The following HCRTR2 variants were observed in gnomAD, a reference collection of about 807,000 sequenced individuals.
HCRTR2 encodes orexin receptor type 2.
A neutral mutation model predicts 49.0 loss-of-function variants in HCRTR2; 22 were observed. The observed-to-expected ratio is 0.45, with a 90% CI of 0.32 to 0.64. HCRTR2 has a LOEUF of 0.64. Ranked by LOEUF, HCRTR2 falls within the 30% of genes least tolerant of loss-of-function variation. The pLI, the probability that HCRTR2 is intolerant of heterozygous loss-of-function variation, is 0.04. For missense variants in HCRTR2, 491 were observed against 559.4 expected, an observed-to-expected ratio of 0.88 and a Z score of 1.23; for synonymous variants, 236 against 205.3, an observed-to-expected ratio of 1.15 and a Z score of -1.28.
At chr6:55,185,930 C>G (rs1331610216) in intron 1 of HCRTR2, among the ~76,000 whole-genome samples, 3 of 152,178 alleles carry the variant, frequency 2.0e-5, no homozygotes, top group African/African-American at 4.8e-5. Context: ...TCTGATCCTC[C>G]TATGACTGGC....
intron 1 of HCRTR2, among the ~76,000 whole-genome samples, chr6:55,225,349 CT>C (rs535107022): frequency 2.1e-4 from 32 of 151,032 alleles, no homozygotes; most frequent in African/African-American, 5.1e-4. Context: ...TTAGCCCTGT[CT>C]TTTTTTTTAA....
intron 1 of HCRTR2, among the ~76,000 whole-genome samples, chr6:55,117,046 A>G (rs185345150): frequency 1.1e-4 from 16 of 151,976 alleles, no homozygotes; most frequent in African/African-American, 3.1e-4. Context: ...ATGATGTCAG[A>G]TGATCAAATA....
At chr6:55,174,229 G>T (rs200543011), upstream of HCRTR2, 13 of 198,344 alleles carry the variant, frequency 6.6e-5, no homozygotes, top group Non-Finnish European at 1.2e-4. Flanking sequence ...CTCCCTCAGC[G>T]AGGGAGGAGG....
intron 1 of HCRTR2, among the ~76,000 whole-genome samples, chr6:55,228,254 A>T (rs1411183711): frequency 6.6e-6 from 1 of 152,220 alleles, no homozygotes; most frequent in Non-Finnish European, 1.5e-5. Context: ...GAATGAAGAA[A>T]GTTATTAATA....
chr6:55,114,919 A>C (rs1764095570), intron 1 of HCRTR2, among the ~76,000 whole-genome samples: 1 of 151,752 alleles, frequency 6.6e-6, no homozygotes, highest in Admixed American at 6.6e-5. Flanking sequence ...GGTGTGGAGA[A>C]GCAAGGTTTT....
At chr6:55,114,709 G>A (rs2127611683) in intron 1 of HCRTR2, among the ~76,000 whole-genome samples, 1 of 151,832 alleles carries the variant, frequency 6.6e-6, no homozygotes, top group African/African-American at 2.4e-5. Flanking sequence ...TGAGTATAAA[G>A]TGCTGATGCT....
In HCRTR2 at chr6:55,187,693, T is replaced by TC. The variant is rs1400931082; in HGVS notation, c.223+12883_223+12884insC. 3.5e-3 allele frequency among the ~76,000 whole-genome samples: 517 copies of TC among 148,330 alleles called. 7 individuals carry two copies. The highest frequency in any genetic ancestry group is 0.012 in the African/African-American group (487 of 40,628). ...GGCTATTATTTGATCTTTTTTTTTT[T>TC]TTTTTTTTTTTACAGGTAGTGACAT... On this transcript the variant is annotated intron_variant, in intron 1 of 6. Coordinates refer to ENST00000370862, the MANE Select transcript of HCRTR2 (RefSeq NM_001384272.1).
At chr6:55,136,309 T>TTAAC (rs1437933737) in intron 1 of HCRTR2, among the ~76,000 whole-genome samples, 1 of 152,176 alleles carries the variant, frequency 6.6e-6, no homozygotes, top group African/African-American at 2.4e-5. Context: ...AACCTTGAAT[T>TTAAC]TAACTACTAG....
At chr6:55,124,986 T>A (rs75177008) in intron 1 of HCRTR2, among the ~76,000 whole-genome samples, 5 of 152,058 alleles carry the variant, frequency 3.3e-5, no homozygotes, top group African/African-American at 1.2e-4. Flanking sequence ...TCCAAACCTT[T>A]ATTTTGAGCC....
chr6:55,154,384 T>C (rs1293252138), intron 1 of HCRTR2, among the ~76,000 whole-genome samples: 1 of 151,848 alleles, frequency 6.6e-6, no homozygotes. Context: ...AGTAAAATCC[T>C]AGCAAACTAA....
At chr6:55,171,682 T>C (rs183662659), upstream of HCRTR2, among the ~76,000 whole-genome samples, 2 of 152,298 alleles carry the variant, frequency 1.3e-5, no homozygotes, top group East Asian at 3.9e-4. Flanking sequence ...AGGATCAAGA[T>C]AAATACAGCT....
At chr6:55,161,617 T>C (rs1483489210) in intron 1 of HCRTR2, among the ~76,000 whole-genome samples, 2 of 151,452 alleles carry the variant, frequency 1.3e-5, no homozygotes, top group Non-Finnish European at 2.9e-5. Flanking sequence ...GAGAGAAGAA[T>C]TGTATAGACA....
At chr6:55,243,896 G>A (rs1386326363) in intron 1 of HCRTR2, among the ~76,000 whole-genome samples, 1 of 152,030 alleles carries the variant, frequency 6.6e-6, no homozygotes, top group Non-Finnish European at 1.5e-5. Flanking sequence ...TGTTAATTTA[G>A]GCTAATTAAA....
At chr6:55,258,002 T>A (rs1414347340) in intron 3 of HCRTR2, among the ~76,000 whole-genome samples, 3 of 152,118 alleles carry the variant, frequency 2.0e-5, no homozygotes, top group Admixed American at 2.0e-4. Context: ...TTTATTATGA[T>A]GATTTCTACA....
At chr6:55,283,983 C>A (rs898487957), downstream of HCRTR2, among the ~76,000 whole-genome samples, 7 of 152,134 alleles carry the variant, frequency 4.6e-5, no homozygotes, top group African/African-American at 1.7e-4. Flanking sequence ...TCAGTGAAAG[C>A]AAGGTATTTT....
chr6:55,212,229 T>C (rs1421895529), intron 1 of HCRTR2, among the ~76,000 whole-genome samples: 1 of 151,888 alleles, frequency 6.6e-6, no homozygotes, highest in African/African-American at 2.4e-5. Context: ...GCTGTTAGAG[T>C]GACAGAAGGA....
At chr6:55,224,307 C>T (rs1765954471) in intron 1 of HCRTR2, among the ~76,000 whole-genome samples, 1 of 152,066 alleles carries the variant, frequency 6.6e-6, no homozygotes, top group Non-Finnish European at 1.5e-5. Context: ...AATCTAAGTG[C>T]CCATCAATGG....
intron 1 of HCRTR2, among the ~76,000 whole-genome samples, chr6:55,150,144 A>G (rs1764644807): frequency 6.6e-6 from 1 of 151,990 alleles, no homozygotes; most frequent in South Asian, 2.1e-4. Context: ...TCTACATTAA[A>G]AAAACATTTT....
chr6:55,151,480 C>A (rs1388802678), intron 1 of HCRTR2, among the ~76,000 whole-genome samples: 1 of 151,944 alleles, frequency 6.6e-6, no homozygotes, highest in Non-Finnish European at 1.5e-5. Context: ...AAAGATTTGT[C>A]ATGAGATTGT....
Sources: allele counts gnomAD v4.1 joint callset (sites outside exome capture counted in the v4.1 genomes callset), GRCh38; gene constraint gnomAD v4.1.1; transcripts MANE v1.5; gene names NCBI Gene and HGNC (gene_info 2026-07-23, HGNC 2026-07-21).